Variants in DISP3 observed in about 807,000 individuals in gnomAD.
The protein encoded by DISP3 is protein dispatched homolog 3.
DISP3 carries 101 observed loss-of-function variants against 135.3 expected under a neutral mutation model. The observed-to-expected ratio is 0.75, with a 90% CI of 0.64 to 0.88. DISP3 has a LOEUF of 0.88. DISP3 is among the 40% of genes least tolerant of loss of function. The probability of loss-of-function intolerance (pLI) is 0.00; values close to 1 mark genes in which losing one functional copy is unlikely to be tolerated. For synonymous variants in DISP3, 856 were observed against 817.0 expected, an observed-to-expected ratio of 1.05 and a Z score of -0.81; for missense variants, 1,713 against 1,878.6, an observed-to-expected ratio of 0.91 and a Z score of 1.63.
intron 15 of DISP3, among the ~76,000 whole-genome samples, chr1:11,530,493 G>A (rs1245108546): frequency 6.6e-6 from 1 of 152,264 alleles, no homozygotes; most frequent in East Asian, 1.9e-4. Flanking sequence ...GGAGTAAGTC[G>A]GGGGCAAGGT....
In DISP3 at chr1:11,519,478, CTT is replaced by C; in HGVS notation, c.2014_2015del (p.Leu672AlafsTer91). 6.2e-7 allele frequency: 1 copy of C among 1,613,702 alleles called. No individual in the cohort carries two copies. Among genetic ancestry groups the C allele is most frequent in the Non-Finnish European group, 8.5e-7 (1 of 1,180,002 alleles). ...TACCCTACCTGGATGATGACATCCC[CTT>C]GCTGGAGGTCGAGGAAGAGCCAGGT... ...PIPYLDDDIP[L>X]LEVEEEPVSL... On this transcript the variant is annotated frameshift_variant, in exon 8 of 21. Transcript: ENST00000294484. LOFTEE classifies it high-confidence loss of function. This position sits in a 1 kb window ranked among gnomAD's most constrained non-coding sequence, Gnocchi z 4.3.
intron 3 of DISP3, among the ~76,000 whole-genome samples, chr1:11,504,919 T>C (rs573384232): frequency 6.6e-6 from 1 of 152,334 alleles, no homozygotes; most frequent in African/African-American, 2.4e-5. Context: ...TTCTTCTCCT[T>C]AAGGGAGGCA....
chr1:11,497,753 G>T (rs1641378090), intron 1 of DISP3, among the ~76,000 whole-genome samples: 1 of 152,262 alleles, frequency 6.6e-6, no homozygotes, highest in East Asian at 1.9e-4. Context: ...GAGAACATAC[G>T]ATGCTTGGTT....
intron 1 of DISP3, among the ~76,000 whole-genome samples, chr1:11,493,458 C>A (rs1021735111): frequency 6.6e-6 from 1 of 152,198 alleles, no homozygotes; most frequent in Non-Finnish European, 1.5e-5. Context: ...GGCTTGGTGG[C>A]TCACTCCTGT....
At chr1:11,493,059 T>C (rs1348663314) in intron 1 of DISP3, among the ~76,000 whole-genome samples, 2 of 152,174 alleles carry the variant, frequency 1.3e-5, no homozygotes, top group Non-Finnish European at 2.9e-5. Context: ...ATAGCATATA[T>C]ATATCAGAGA....
At chr1:11,534,659 C>G in intron 18 of DISP3, 119 bp downstream of exon 18, 1 of 1,340,084 alleles carries the variant, frequency 7.5e-7, no homozygotes, top group Non-Finnish European at 1.0e-6. Context: ...CCTGAGGAAA[C>G]CGGGTGGCAC....
At chr1:11,532,694 G>A (rs564860178) in intron 17 of DISP3, among the ~76,000 whole-genome samples, 28 of 152,068 alleles carry the variant, frequency 1.8e-4, no homozygotes, top group African/African-American at 6.5e-4. Context: ...CATCTTAACC[G>A]GTTTTTTTGT....
chr1:11,493,332 T>C (rs11121754), intron 1 of DISP3, among the ~76,000 whole-genome samples: 73,657 of 151,892 alleles, frequency 0.48, 19,754 homozygotes, highest in East Asian at 0.73. Context: ...AAAAACAATT[T>C]CCTCTTAGCC....
rs190144880 is a variant in DISP3, at chr1:11,483,756, G to A, written c.-4+4384G>A. On this transcript the variant is annotated intron_variant, in intron 1 of 20. Transcript: ENST00000294484. The surrounding 1 kb of genome is among the most constrained non-coding windows in gnomAD (Gnocchi z 5.4). ...AAGGCTTCTGAGCCATGGCTGGGCC[G>A]GAGCTGAGTCCCCGTGAGAGTCTGG... is the stretch of plus-strand genomic sequence containing the variant. 5.5e-3 allele frequency among the ~76,000 whole-genome samples: 834 copies of A among 152,326 alleles called. 4 individuals carry two copies. The highest frequency in any genetic ancestry group is 0.02 in the Middle Eastern group (6 of 294).
chr1:11,523,014 C>T (rs1186282496), intron 10 of DISP3, among the ~76,000 whole-genome samples: 1 of 152,160 alleles, frequency 6.6e-6, no homozygotes, highest in Non-Finnish European at 1.5e-5. Context: ...CTCCCTGTGC[C>T]TCTTCCTCTG....
At position 11,501,612 on chromosome 1, in the gene DISP3, C is replaced by A; in HGVS notation, c.620C>A (p.Thr207Asn). 2 of 1,604,410 alleles carry A rather than the reference C, an allele frequency of 1.2e-6. No individual in the cohort carries two copies. Among genetic ancestry groups the A allele is most frequent in the East Asian group, 2.2e-5 (1 of 44,698 alleles). Residue 207 changes from threonine (T) to asparagine (N), a missense_variant, in exon 2 of 21, where the codon ACC becomes AAC. Thr to Asn is a moderately conservative substitution (Grantham distance 65). Transcript: ENST00000294484. This position sits in a 1 kb window ranked among gnomAD's most constrained non-coding sequence, Gnocchi z 4.9. ...ANRSGRLRRE[T>N]PPLEDLAANQ... ...CGGAGCGGGCGACTTCGGCGTGAGA[C>A]CCCGCCCCTGGAGGATCTGGCAGCC...
chr1:11,501,505 C>CCCCCGCGTCAT lies in DISP3; in HGVS notation c.521_531dup (p.Ala178SerfsTer53). ...ACCGCTCGCGGCAAGCCTCCCGAGC[C>CCCCCGCGTCAT]CCCCGCGTCATCCCCGCGGCCTCAC... On this transcript the variant is annotated frameshift_variant, in exon 2 of 21. Transcript: ENST00000294484. LOFTEE classifies it high-confidence loss of function. This position sits in a 1 kb window ranked among gnomAD's most constrained non-coding sequence, Gnocchi z 4.9. 6.2e-7 allele frequency: 1 copy of CCCCCGCGTCAT among 1,606,258 alleles called. No homozygotes were observed. The highest frequency in any genetic ancestry group is 8.5e-7 in the Non-Finnish European group (1 of 1,176,182).
chr1:11,501,924 T>C lies in DISP3; in HGVS notation c.932T>C (p.Phe311Ser). The change falls in exon 2 of 21, where the codon TTC (phenylalanine) becomes TCC (serine). Residue 311 changes from phenylalanine to serine, a missense_variant. By Grantham distance (155) the Phe-to-Ser change is radical (BLOSUM62 -2). This residue lies in a region of DISP3 where 571 missense variants were observed against 494.1 expected (regional missense o/e 1.16). Transcript: ENST00000294484. This position sits in a 1 kb window ranked among gnomAD's most constrained non-coding sequence, Gnocchi z 4.9. Reference sequence around the variant, plus strand: ...CGCAAGATCATGGACCACCCAGGCTTCCGGGAGTTCTGCTGGAAGCCCCAC... The same window carrying C: ...CGCAAGATCATGGACCACCCAGGCTCCCGGGAGTTCTGCTGGAAGCCCCAC... ...IERKIMDHPG[F>S]REFCWKPHEV... 1 of 1,613,578 alleles carries C rather than the reference T, an allele frequency of 6.2e-7. No individual in the cohort carries two copies. The highest frequency in any genetic ancestry group is 8.5e-7 in the Non-Finnish European group (1 of 1,179,870).
intron 1 of DISP3, among the ~76,000 whole-genome samples, chr1:11,480,824 G>C (rs1640882393): frequency 6.6e-6 from 1 of 151,934 alleles, no homozygotes; most frequent in African/African-American, 2.4e-5. Context: ...GGAGGGAGGA[G>C]GCTGTGGCTC....
At chr1:11,533,699 C>G (rs936722734) in intron 17 of DISP3, 12 of 687,330 alleles carry the variant, frequency 1.7e-5, no homozygotes, top group Admixed American at 4.1e-5. Flanking sequence ...GCAAGGTGCC[C>G]GCTTCCAAGC....
Position 11,501,980 on chromosome 1 carries a change from T to C in DISP3, c.988T>C (p.Tyr330His), listed in dbSNP as rs1303646553. The C allele has an allele frequency of 6.2e-7, 1 of 1,613,726 alleles. No individual in the cohort carries two copies. The change falls in exon 2 of 21, where the codon TAC becomes CAC. Residue 330 changes from tyrosine (Y) to histidine (H), a missense_variant. By Grantham distance (83) the Tyr-to-His change is moderately conservative (BLOSUM62 2). Transcript: ENST00000294484. The surrounding 1 kb of genome is among the most constrained non-coding windows in gnomAD (Gnocchi z 4.9). Reference sequence around the variant, plus strand: ...GCTCAAGGATCTGCCGCTGGGCTCCTACTCCTACTGCTCGCCCCCCAGCTC... The same window carrying C: ...GCTCAAGGATCTGCCGCTGGGCTCCCACTCCTACTGCTCGCCCCCCAGCTC... ...EVLKDLPLGS[Y>H]SYCSPPSSLM...
At chr1:11,530,417 G>A (rs2235664) in intron 15 of DISP3, among the ~76,000 whole-genome samples, 20,352 of 152,208 alleles carry the variant, frequency 0.13, 1,670 homozygotes, top group East Asian at 0.44. Context: ...CTAGGAGGAA[G>A]GACAGGTGGG....
intron 1 of DISP3, among the ~76,000 whole-genome samples, chr1:11,492,905 T>C (rs1271024838): frequency 6.6e-6 from 1 of 152,120 alleles, no homozygotes; most frequent in East Asian, 1.9e-4. Context: ...AGATTCTAGG[T>C]AGGACTTGGA....
chr1:11,490,520 TG>T (rs1220318242), intron 1 of DISP3, among the ~76,000 whole-genome samples: 1 of 152,194 alleles, frequency 6.6e-6, no homozygotes, highest in Non-Finnish European at 1.5e-5. Context: ...CTGCCCGCGT[TG>T]GCCTCCCAAA....
Sources: gnomAD v4.1 joint callset for allele counts (sites outside exome capture counted in the v4.1 genomes callset) on GRCh38, gnomAD v4.1.1 for gene constraint, gnomAD v4.1.1 regional missense constraint, Gnocchi (gnomAD v3.1) non-coding constraint, MANE v1.5 for transcripts, NCBI Gene and HGNC (gene_info 2026-07-23, HGNC 2026-07-21) for gene names.